Variants in SUGCT observed in about 807,000 individuals in gnomAD.
The protein encoded by SUGCT is succinyl-CoA:glutarate CoA-transferase.
SUGCT carries 41 observed loss-of-function variants against 55.0 expected under a neutral mutation model. The observed-to-expected ratio is 0.74, with a 90% CI of 0.58 to 0.97. The LOEUF is 0.97. Ranked by LOEUF, SUGCT falls within the 50% of genes least tolerant of loss-of-function variation. The pLI, the probability that SUGCT is intolerant of heterozygous loss-of-function variation, is 0.00. For missense variants in SUGCT, 568 were observed against 547.8 expected, an observed-to-expected ratio of 1.04 and a Z score of -0.37; for synonymous variants, 187 against 200.4, an observed-to-expected ratio of 0.93 and a Z score of 0.56.
At chr7:40,227,848 TTTATTTATTTG>T (rs1319009456) in intron 6 of SUGCT, among the ~76,000 whole-genome samples, 11 of 150,828 alleles carry the variant, frequency 7.3e-5, no homozygotes, top group African/African-American at 2.4e-4. Flanking sequence ...ATTCCTTTAT[TTTATTTATTTG>T]TTATTTATTT....
intron 11 of SUGCT, among the ~76,000 whole-genome samples, chr7:40,492,277 T>C (rs1257071619): frequency 1.3e-5 from 2 of 151,180 alleles, no homozygotes; most frequent in Non-Finnish European, 3.0e-5. Context: ...TAGAAAACAA[T>C]TTTTTTTTCA....
intron 9 of SUGCT, among the ~76,000 whole-genome samples, chr7:40,431,144 A>G (rs1334582706): frequency 6.6e-6 from 1 of 150,938 alleles, no homozygotes; most frequent in South Asian, 2.1e-4. Flanking sequence ...AAAAAAGTTA[A>G]TGGCCTGTGG....
chr7:40,166,690 C>T (rs1422040596), intron 1 of SUGCT, among the ~76,000 whole-genome samples: 3 of 152,116 alleles, frequency 2.0e-5, no homozygotes, highest in Non-Finnish European at 2.9e-5. Context: ...AGTTTGAGAG[C>T]AGCCTAGCCT....
chr7:40,166,246 T>C (rs1784419491), intron 1 of SUGCT, among the ~76,000 whole-genome samples: 1 of 152,220 alleles, frequency 6.6e-6, no homozygotes, highest in Admixed American at 6.5e-5. Context: ...GTGCTTCAGA[T>C]GAGGAAAGGG....
At chr7:40,841,430 G>A (rs1013853292) in intron 13 of SUGCT, among the ~76,000 whole-genome samples, 2 of 151,906 alleles carry the variant, frequency 1.3e-5, no homozygotes, top group African/African-American at 2.4e-5. Flanking sequence ...TTATCTTTGT[G>A]CTATCTTGTT....
intron 13 of SUGCT, among the ~76,000 whole-genome samples, chr7:40,822,760 A>T (rs891061974): frequency 6.6e-6 from 1 of 152,136 alleles, no homozygotes. Context: ...AGGTAATCTC[A>T]TATTGTTGAA....
At chr7:40,626,120 C>T (rs1392713209) in intron 12 of SUGCT, among the ~76,000 whole-genome samples, 1 of 152,190 alleles carries the variant, frequency 6.6e-6, no homozygotes, top group Non-Finnish European at 1.5e-5. Context: ...ATTCAACCAC[C>T]TTGTGGCCAA....
chr7:40,805,085 C>G (rs1260230951), intron 13 of SUGCT, among the ~76,000 whole-genome samples: 1 of 152,144 alleles, frequency 6.6e-6, no homozygotes, highest in Non-Finnish European at 1.5e-5. Context: ...ATGACTCTGT[C>G]TTTTTACAGT....
chr7:40,407,978 G>A (rs1324548433), intron 9 of SUGCT, among the ~76,000 whole-genome samples: 1 of 151,888 alleles, frequency 6.6e-6, no homozygotes, highest in Non-Finnish European at 1.5e-5. Context: ...TATTGATTTC[G>A]ATGCCGCCAA....
intron 12 of SUGCT, among the ~76,000 whole-genome samples, chr7:40,715,080 G>A (rs1219145564): frequency 6.6e-6 from 1 of 152,044 alleles, no homozygotes; most frequent in Non-Finnish European, 1.5e-5. Flanking sequence ...AAAAAAAATT[G>A]TAAGGGTGTG....
chr7:41,015,073 G>A, the SUGCT span, among the ~76,000 whole-genome samples: 2 of 152,210 alleles, frequency 1.3e-5, no homozygotes, highest in African/African-American at 4.8e-5. Flanking sequence ...ATAGGCAGGA[G>A]ATAATTGGTG....
intron 13 of SUGCT, among the ~76,000 whole-genome samples, chr7:40,802,672 C>T (rs777266439): frequency 3.1e-4 from 47 of 152,300 alleles, no homozygotes; most frequent in Admixed American, 9.8e-4. Flanking sequence ...CTGTTCACTT[C>T]AGCAGGCTCA....
chr7:40,792,589 A>G (rs1382990536), intron 13 of SUGCT, among the ~76,000 whole-genome samples: 4 of 152,138 alleles, frequency 2.6e-5, no homozygotes, highest in Admixed American at 6.6e-5. Context: ...CCATGTGACA[A>G]TGGTTTCTGA....
At chr7:40,914,549 C>A in the SUGCT span, among the ~76,000 whole-genome samples, 1 of 152,076 alleles carries the variant, frequency 6.6e-6, no homozygotes, top group Middle Eastern at 3.2e-3. Flanking sequence ...ACACAGAAAT[C>A]ATTGTCAGGA....
At chr7:40,180,493 A>T (rs1307274343) in intron 1 of SUGCT, among the ~76,000 whole-genome samples, 2 of 141,136 alleles carry the variant, frequency 1.4e-5, no homozygotes, top group Non-Finnish European at 3.1e-5. Flanking sequence ...AGCTTCCAGT[A>T]TTTTTTTTTT....
At chr7:40,719,751 C>T (rs115091780) in intron 12 of SUGCT, among the ~76,000 whole-genome samples, 4,153 of 152,098 alleles carry the variant, frequency 0.027, 202 homozygotes, top group African/African-American at 0.09. Context: ...GACAGGAGTG[C>T]GGAGAGCTTA....
intron 9 of SUGCT, among the ~76,000 whole-genome samples, chr7:40,391,617 TA>T (rs1344324817): frequency 3.9e-5 from 6 of 152,030 alleles, no homozygotes; most frequent in African/African-American, 1.5e-4. Flanking sequence ...TAGTGATCAT[TA>T]AAAAGTCAGG....
chr7:40,533,322 A>G (rs1794190802), intron 12 of SUGCT, among the ~76,000 whole-genome samples: 1 of 152,076 alleles, frequency 6.6e-6, no homozygotes, highest in Admixed American at 6.5e-5. Context: ...TGCTTAAATT[A>G]TTGCTCTCAA....
At chr7:40,193,526 C>G (rs542017799) in intron 5 of SUGCT, among the ~76,000 whole-genome samples, 279 of 152,038 alleles carry the variant, frequency 1.8e-3, no homozygotes, top group African/African-American at 6.2e-3. Context: ...CTTAAGTGAT[C>G]TGCCTACCTA....
Sources: gnomAD v4.1 joint callset for allele counts (sites outside exome capture counted in the v4.1 genomes callset) on GRCh38, gnomAD v4.1.1 for gene constraint, MANE v1.5 for transcripts, NCBI Gene and HGNC (gene_info 2026-07-23, HGNC 2026-07-21) for gene names.